Variants in RAB8A observed in about 807,000 individuals in gnomAD.
RAB8A encodes RAB8A, member RAS oncogene family.
A neutral mutation model predicts 29.2 loss-of-function variants in RAB8A; 5 were observed. The ratio of observed to expected loss-of-function variants is 0.17; its 90% confidence interval spans 0.09 to 0.36. The LOEUF is 0.36. Ranked by LOEUF, RAB8A falls within the 10% of genes least tolerant of loss-of-function variation. RAB8A has a pLI of 1.00. For synonymous variants in RAB8A, 108 were observed against 99.9 expected, an observed-to-expected ratio of 1.08 and a Z score of -0.49; for missense variants, 171 against 272.2, an observed-to-expected ratio of 0.63 and a Z score of 2.62.
chr19:16,125,743 C>T lies in RAB8A; in HGVS notation c.324+196C>T. ...GGGACCACACACTGGCCTGGCCCCA[C>T]CCCGGAGCCCCTCGGAGCCCATCCC... On this transcript the variant is annotated intron_variant, in intron 4 of 7. Coordinates refer to ENST00000300935, the MANE Select transcript of RAB8A (RefSeq NM_005370.5). This position sits in a 1 kb window ranked among gnomAD's most constrained non-coding sequence, Gnocchi z 5.0. The T allele has an allele frequency of 1.4e-6, 1 of 690,000 alleles. No individual in the cohort carries two copies. Among genetic ancestry groups the T allele is most frequent in the Non-Finnish European group, 2.7e-6 (1 of 376,742 alleles). 42.7% of individuals were successfully genotyped at this position (690,000 alleles called of 1,614,324 possible).
Position 16,127,944 on chromosome 19 carries a change from C to T in RAB8A, c.415-82C>T, listed in dbSNP as rs770697013. 6.9e-7 allele frequency: 1 copy of T among 1,458,622 alleles called. No individual in the cohort carries two copies. The highest frequency in any genetic ancestry group is 9.6e-7 in the Non-Finnish European group (1 of 1,039,910). 90.4% of individuals were successfully genotyped at this position (1,458,622 alleles called of 1,614,324 possible). On this transcript the variant is annotated intron_variant, in intron 5 of 7. Coordinates refer to ENST00000300935, the MANE Select transcript of RAB8A (RefSeq NM_005370.5). The surrounding 1 kb of genome is among the most constrained non-coding windows in gnomAD (Gnocchi z 4.8). ...GTTGCTGCTCCCTCTTGGCGCCGGC[C>T]CTGCCTTCAGCTCCTGTTTTAGGCA... is the stretch of plus-strand genomic sequence containing the variant.
chr19:16,129,643 T>A, intron 7 of RAB8A, 39 bp downstream of exon 7: 1 of 1,597,666 alleles, frequency 6.3e-7, no homozygotes, highest in Non-Finnish European at 8.6e-7. Flanking sequence ...GGTGGATCTC[T>A]GGGATCCAGC....
chr19:16,130,686 T>G (rs115436217), intron 7 of RAB8A, among the ~76,000 whole-genome samples: 10 of 152,306 alleles, frequency 6.6e-5, no homozygotes, highest in African/African-American at 2.4e-4. Context: ...AGTCTCACTT[T>G]GCCACCTAGG....
At chr19:16,121,128 G>T (rs1224394322) in intron 2 of RAB8A, among the ~76,000 whole-genome samples, 2 of 151,512 alleles carry the variant, frequency 1.3e-5, no homozygotes, top group African/African-American at 4.9e-5. Flanking sequence ...AGTTGGCCAG[G>T]CTGGTCTCAA....
intron 7 of RAB8A, among the ~76,000 whole-genome samples, chr19:16,131,395 GT>G (rs1328475280): frequency 6.6e-6 from 1 of 152,080 alleles, no homozygotes; most frequent in Admixed American, 6.5e-5. Context: ...TAAATCGATG[GT>G]TGATTTGTTG....
chr19:16,119,739 C>T (rs1285771203), intron 2 of RAB8A, among the ~76,000 whole-genome samples: 1 of 151,962 alleles, frequency 6.6e-6, no homozygotes, highest in African/African-American at 2.4e-5. Context: ...CTGCTCTTAG[C>T]AATCGTGGTG....
rs2090942602 is a variant in RAB8A, at chr19:16,134,018, T to C, written c.*1714T>C. 6.6e-6 allele frequency: 1 copy of C among 152,260 alleles called. No homozygotes were observed. The allele number at this position is 152,260 out of a possible 1,614,324, so 9.4% of individuals were successfully genotyped here. On this transcript the variant is annotated 3_prime_UTR_variant, in exon 8 of 8. Transcript: ENST00000300935. ...TGGCTTTCCAGGGCATTCCTTCCAC[T>C]CTATCCAGGGTCCTTCCCAAGACCA...
chr19:16,112,452 T>G, intron 1 of RAB8A: 1 of 187,610 alleles, frequency 5.3e-6, no homozygotes, highest in East Asian at 1.5e-4. Context: ...ATGTGCCAAG[T>G]GCTTCACGTG....
intron 1 of RAB8A, 58 bp from the exon 2 acceptor site, chr19:16,118,168 C>G: frequency 6.5e-7 from 1 of 1,527,424 alleles, no homozygotes; most frequent in East Asian, 2.3e-5. Flanking sequence ...GCGCCCAGCT[C>G]AGACACAACT....
chr19:16,126,822 ACT>A (rs2090903876), intron 4 of RAB8A: 1 of 152,160 alleles, frequency 6.6e-6, no homozygotes, highest in South Asian at 2.1e-4. Context: ...ACATGGCGAA[ACT>A]CTGTCTCTAC....
Position 16,133,432 on chromosome 19 carries a change from C to T in RAB8A, c.*1128C>T, listed in dbSNP as rs1319780378. The T allele has an allele frequency of 6.6e-6, 1 of 152,094 alleles. No individual in the cohort carries two copies. The highest frequency in any genetic ancestry group is 1.5e-5 in the Non-Finnish European group (1 of 67,992). 9.4% of individuals were successfully genotyped at this position (152,094 alleles called of 1,614,324 possible). On this transcript the variant is annotated 3_prime_UTR_variant, in exon 8 of 8. Transcript: ENST00000300935. ...GTCAACCACGCCAGGGGGGTGTCAC[C>T]AGCCTTTTCTTTTTTTCTTTCTTTT...
chr19:16,130,719 C>T (rs1364223998), intron 7 of RAB8A, among the ~76,000 whole-genome samples: 1 of 152,116 alleles, frequency 6.6e-6, no homozygotes, highest in African/African-American at 2.4e-5. Context: ...GGCACCATCA[C>T]AGCTCACTGC....
intron 1 of RAB8A, among the ~76,000 whole-genome samples, chr19:16,115,581 G>A (rs975715688): frequency 1.3e-5 from 2 of 152,272 alleles, no homozygotes; most frequent in East Asian, 1.9e-4. Context: ...TTTGTGAACC[G>A]CTCAACACCG....
chr19:16,127,984 CG>C lies in RAB8A; in HGVS notation c.415-40del, dbSNP rs1414635928. The stretch of plus-strand genomic sequence containing the variant: ...TGTTTTAGGCAAGCTCAGATGCGCC[CG>C]GCGGCTGGTGTGCTCATGCGTGTGC... On this transcript the variant is annotated intron_variant, in intron 5 of 7. Coordinates refer to ENST00000300935, the MANE Select transcript of RAB8A (RefSeq NM_005370.5). The surrounding 1 kb of genome is among the most constrained non-coding windows in gnomAD (Gnocchi z 4.8). 3.7e-6 allele frequency: 6 copies of C among 1,603,780 alleles called. No homozygotes were observed. The highest frequency in any genetic ancestry group is 1.3e-5 in the African/African-American group (1 of 74,684).
At chr19:16,130,854 C>T (rs1220190001) in intron 7 of RAB8A, among the ~76,000 whole-genome samples, 5 of 151,832 alleles carry the variant, frequency 3.3e-5, no homozygotes, top group East Asian at 1.9e-4. Context: ...GAAGGAGTCT[C>T]GCTCTGTTGC....
At chr19:16,124,691 CAT>C (rs2090890006) in intron 3 of RAB8A, 1 of 152,092 alleles carries the variant, frequency 6.6e-6, no homozygotes. Flanking sequence ...GGATAGGTGT[CAT>C]CAGTGCTTTT....
chr19:16,128,973 C>T (rs928776847), intron 6 of RAB8A, among the ~76,000 whole-genome samples: 1 of 152,218 alleles, frequency 6.6e-6, no homozygotes, highest in Non-Finnish European at 1.5e-5. Flanking sequence ...CTCCTCAAGG[C>T]TGTGACAGCA....
At chr19:16,129,698 TTTTAGGGCCCAGCCAGAC>T in intron 7 of RAB8A, 94 bp downstream of exon 7, 1 of 1,258,528 alleles carries the variant, frequency 7.9e-7, no homozygotes, top group Non-Finnish European at 1.2e-6. Flanking sequence ...AGATCCTGCT[TTTTAGGGCCCAGCCAGAC>T]CCCATGGGAC....
intron 1 of RAB8A, among the ~76,000 whole-genome samples, chr19:16,114,910 G>A (rs1303331554): frequency 6.6e-6 from 1 of 151,104 alleles, no homozygotes; most frequent in Non-Finnish European, 1.5e-5. Context: ...TAATTCTTAG[G>A]CCTCATAAAG....
Sources: allele counts gnomAD v4.1 joint callset (sites outside exome capture counted in the v4.1 genomes callset), GRCh38; gene constraint gnomAD v4.1.1; non-coding constraint Gnocchi (gnomAD v3.1); transcripts MANE v1.5; gene names NCBI Gene and HGNC (gene_info 2026-07-23, HGNC 2026-07-21).